The following CADM2 variants were observed in gnomAD, a reference collection of about 807,000 sequenced individuals.
CADM2 encodes the protein immunoglobulin superfamily member 4D.
Under a neutral mutation model 49.8 loss-of-function variants are expected in CADM2, and 12 were observed. The ratio of observed to expected loss-of-function variants is 0.24; its 90% CI spans 0.15 to 0.39. The LOEUF is 0.39. CADM2 is among the 10% of genes least tolerant of loss of function. CADM2 has a pLI of 1.00. For missense variants in CADM2, 378 were observed against 492.3 expected (o/e 0.77, Z 2.20); for synonymous variants, 214 against 175.4 (o/e 1.22, Z -1.74).
chr3:85,817,876 C>A (rs1271890890), intron 3 of CADM2, among the ~76,000 whole-genome samples: 2 of 151,956 alleles, frequency 1.3e-5, no homozygotes, highest in Non-Finnish European at 2.9e-5. Flanking sequence ...GCCACCTTAT[C>A]TCATGTCTCG....
At chr3:86,042,658 G>T (rs1042554579) in intron 8 of CADM2, among the ~76,000 whole-genome samples, 1 of 151,736 alleles carries the variant, frequency 6.6e-6, no homozygotes, top group African/African-American at 2.4e-5. Context: ...GTACAAGGAG[G>T]AGCTGGTACC....
intron 1 of CADM2, among the ~76,000 whole-genome samples, chr3:85,258,562 T>G (rs1455875003): frequency 1.3e-5 from 2 of 151,456 alleles, no homozygotes; most frequent in African/African-American, 4.8e-5. Context: ...GCTGTCAGGT[T>G]GCCGGAAGAA....
intron 2 of CADM2, among the ~76,000 whole-genome samples, chr3:85,737,535 T>A (rs2068188258): frequency 6.6e-6 from 1 of 150,946 alleles, no homozygotes. Flanking sequence ...TTCGAAAGAG[T>A]CATTAATTTA....
intron 1 of CADM2, among the ~76,000 whole-genome samples, chr3:85,527,113 C>T (rs955571432): frequency 2.0e-5 from 3 of 152,026 alleles, no homozygotes; most frequent in African/African-American, 4.8e-5. Flanking sequence ...AGGCCAGGCA[C>T]GGTGTCTTAC....
chr3:85,622,995 GA>G (rs907712053), intron 1 of CADM2, among the ~76,000 whole-genome samples: 14 of 152,174 alleles, frequency 9.2e-5, no homozygotes, highest in Admixed American at 6.6e-4. Context: ...TCAGAAGTGG[GA>G]GAGGCCAAGG....
intron 1 of CADM2, among the ~76,000 whole-genome samples, chr3:85,514,618 A>T (rs560568287): frequency 6.6e-6 from 1 of 152,220 alleles, no homozygotes; most frequent in Admixed American, 6.5e-5. Context: ...TCTCTTATTC[A>T]GTGTTAACAA....
rs766747086 is a variant in CADM2 at position 86,070,041 on chromosome 3, A to G, written c.*3258A>G. 14 of 151,936 alleles carry G rather than the reference A, an allele frequency of 9.2e-5. No homozygotes were observed. Among genetic ancestry groups the G allele is most frequent in the Non-Finnish European group, 1.9e-4 (13 of 67,854 alleles). 9.4% of individuals were successfully genotyped at this position (151,936 alleles called of 1,614,324 possible). Reference sequence around the variant, plus strand: ...GAGAAATTTCAACTTGTTTTCTTTTACCAGAGAATCCAAGAAGCAGTTTAA... The same window carrying G: ...GAGAAATTTCAACTTGTTTTCTTTTGCCAGAGAATCCAAGAAGCAGTTTAA... On this transcript the variant is annotated 3_prime_UTR_variant, in exon 10 of 10. Transcript: ENST00000383699.
chr3:85,480,908 T>C (rs2039183170), intron 1 of CADM2, among the ~76,000 whole-genome samples: 1 of 151,316 alleles, frequency 6.6e-6, no homozygotes, highest in Admixed American at 6.6e-5. Flanking sequence ...TCCTTAAAAT[T>C]CTTTCTTAAG....
intron 1 of CADM2, among the ~76,000 whole-genome samples, chr3:85,516,669 A>C (rs1251717637): frequency 6.7e-6 from 1 of 148,740 alleles, no homozygotes; most frequent in African/African-American, 2.6e-5. Context: ...GACATGAAAC[A>C]TGTTCTCAAC....
At chr3:85,326,565 A>T (rs937940131) in intron 1 of CADM2, among the ~76,000 whole-genome samples, 1 of 152,154 alleles carries the variant, frequency 6.6e-6, no homozygotes, top group African/African-American at 2.4e-5. Context: ...TGATAATAGT[A>T]TCAGAAATGA....
intron 1 of CADM2, among the ~76,000 whole-genome samples, chr3:85,223,945 A>G (rs1246689366): frequency 6.6e-6 from 1 of 152,106 alleles, no homozygotes; most frequent in African/African-American, 2.4e-5. Context: ...TCATTTTTTT[A>G]TGGCTGCATA....
At chr3:85,938,464 G>C (rs1321489894) in intron 7 of CADM2, among the ~76,000 whole-genome samples, 1 of 151,892 alleles carries the variant, frequency 6.6e-6, no homozygotes, top group East Asian at 1.9e-4. Context: ...AGAGGGATGA[G>C]AAAAAATTCT....
At chr3:86,045,109 A>C (rs972481203) in intron 8 of CADM2, among the ~76,000 whole-genome samples, 28 of 151,986 alleles carry the variant, frequency 1.8e-4, no homozygotes, top group African/African-American at 6.5e-4. Flanking sequence ...CTAATGTTAA[A>C]TGACCAGTTA....
intron 1 of CADM2, among the ~76,000 whole-genome samples, chr3:85,576,072 T>G (rs976711115): frequency 6.6e-6 from 1 of 152,192 alleles, no homozygotes; most frequent in Non-Finnish European, 1.5e-5. Flanking sequence ...TAAATGATTT[T>G]GCATTTCTAT....
chr3:85,818,283 T>G (rs893189505), intron 3 of CADM2, among the ~76,000 whole-genome samples: 2 of 152,158 alleles, frequency 1.3e-5, no homozygotes, highest in African/African-American at 2.4e-5. Context: ...CTTTCCTGAC[T>G]CTGTTACTTT....
intron 1 of CADM2, among the ~76,000 whole-genome samples, chr3:85,448,287 C>G (rs1433731166): frequency 6.8e-6 from 1 of 147,778 alleles, no homozygotes; most frequent in Non-Finnish European, 1.5e-5. Context: ...GAGCCGAGAT[C>G]GCGCCACTGC....
intron 1 of CADM2, among the ~76,000 whole-genome samples, chr3:85,687,101 T>G (rs1441664309): frequency 6.6e-6 from 1 of 152,208 alleles, no homozygotes; most frequent in Non-Finnish European, 1.5e-5. Flanking sequence ...AGCATTTTTA[T>G]GTCAAATATC....
At chr3:85,188,987 C>T (rs368344526) in intron 1 of CADM2, among the ~76,000 whole-genome samples, 3 of 151,466 alleles carry the variant, frequency 2.0e-5, no homozygotes, top group East Asian at 3.9e-4. Flanking sequence ...GCCGAGATTG[C>T]GCCACTGAAC....
In CADM2 at chr3:85,837,443, G is replaced by A. The variant is rs566978909; in HGVS notation, c.238+35247G>A. On this transcript the variant is annotated intron_variant, in intron 3 of 9. Coordinates refer to ENST00000383699, the MANE Select transcript of CADM2 (RefSeq NM_001167675.2). ...AAAAAAACAGTTCCAGAGAGATTTC[G>A]CAATATTAAGGAAGAAAAATTCATC... Among the ~76,000 whole-genome samples the A allele has an allele frequency of 1.9e-4, 29 of 151,590 alleles. No homozygotes were observed. The South Asian group carries it at 2.3e-3, about 12-fold the overall frequency.
Sources: gnomAD v4.1 joint callset for allele counts (sites outside exome capture counted in the v4.1 genomes callset) on GRCh38, gnomAD v4.1.1 for gene constraint, MANE v1.5 for transcripts, NCBI Gene and HGNC (gene_info 2026-07-23, HGNC 2026-07-21) for gene names.